The following DOK6 variants were observed in gnomAD, a reference collection of about 807,000 sequenced individuals.
DOK6 encodes the protein downstream of tyrosine kinase 6.
A neutral mutation model predicts 44.0 loss-of-function variants in DOK6; 22 were observed. The ratio of observed to expected loss-of-function variants is 0.50; its 90% confidence interval spans 0.36 to 0.71. The LOEUF (loss-of-function observed/expected upper bound fraction) is 0.71. Among genes scored for constraint, DOK6 ranks in the 30% least tolerant of loss-of-function variants. The probability of loss-of-function intolerance (pLI) is 0.00; values close to 1 mark genes in which losing one functional copy is unlikely to be tolerated. For synonymous variants in DOK6, 166 were observed against 145.5 expected, an observed-to-expected ratio of 1.14 and a Z score of -1.01; for missense variants, 340 against 416.4, an observed-to-expected ratio of 0.82 and a Z score of 1.60.
chr18:69,662,551 G>T (rs1189698262), intron 3 of DOK6: 4 of 152,004 alleles, frequency 2.6e-5, no homozygotes, highest in Non-Finnish European at 5.9e-5. Flanking sequence ...TTGGACTTTT[G>T]TCTAAAGACC....
chr18:69,830,292 A>G (rs1338314753), intron 7 of DOK6, among the ~76,000 whole-genome samples: 1 of 152,178 alleles, frequency 6.6e-6, no homozygotes. Flanking sequence ...TTATCCCCCC[A>G]AAAATACATA....
In DOK6 at chr18:69,659,900, T is replaced by C. The variant is rs571971280; in HGVS notation, c.290-17834T>C. 127 of 134,586 alleles carry C rather than the reference T, an allele frequency of 9.4e-4. 18 individuals are homozygous for C. The highest frequency in any genetic ancestry group is 1.5e-3 in the Non-Finnish European group (94 of 62,100). The allele number at this position is 134,586 out of a possible 1,614,324, so 8.3% of individuals were successfully genotyped here. On this transcript the variant is annotated intron_variant, in intron 3 of 7. Coordinates refer to ENST00000382713, the MANE Select transcript of DOK6 (RefSeq NM_152721.6). ...ATGTATGTTTTATATATATAACATA[T>C]ATGTATGTTTTATATATATAACATA...
chr18:69,412,772 G>C (rs1978311817), intron 1 of DOK6, among the ~76,000 whole-genome samples: 1 of 152,132 alleles, frequency 6.6e-6, no homozygotes, highest in Non-Finnish European at 1.5e-5. Context: ...AATGGTGAAG[G>C]TAGCAAATAA....
chr18:69,684,550 C>T (rs1471714725), intron 4 of DOK6, among the ~76,000 whole-genome samples: 1 of 152,148 alleles, frequency 6.6e-6, no homozygotes, highest in Non-Finnish European at 1.5e-5. Flanking sequence ...AGAATTACTG[C>T]TCCCAGGTAT....
intron 1 of DOK6, among the ~76,000 whole-genome samples, chr18:69,559,224 T>C (rs1375973640): frequency 6.6e-6 from 1 of 152,146 alleles, no homozygotes; most frequent in Non-Finnish European, 1.5e-5. Flanking sequence ...CACTCTTTAA[T>C]AGAAAATAAC....
At chr18:69,784,928 G>T (rs913120874) in intron 7 of DOK6, among the ~76,000 whole-genome samples, 1 of 152,080 alleles carries the variant, frequency 6.6e-6, no homozygotes, top group African/African-American at 2.4e-5. Flanking sequence ...ACCCATGCTG[G>T]TGCTGAAAAT....
At chr18:69,814,509 T>C (rs1268359835) in intron 7 of DOK6, among the ~76,000 whole-genome samples, 1 of 152,102 alleles carries the variant, frequency 6.6e-6, no homozygotes, top group Admixed American at 6.6e-5. Flanking sequence ...GTCGGGTTCA[T>C]GCTTATATTA....
chr18:69,757,802 C>T lies in DOK6; in HGVS notation c.785C>T (p.Ser262Phe). The change falls in exon 7 of 8, where the codon TCT becomes TTT. Residue 262 changes from serine (S) to phenylalanine (F), a missense_variant. Around this residue, in one of 3 missense-constraint regions of DOK6, gnomAD observed 112 missense variants for 109.3 expected, o/e 1.02. Coordinates refer to ENST00000382713, the MANE Select transcript of DOK6 (RefSeq NM_152721.6). ...TEPMTLSKSISLPRSAYWHHI... is the reference protein window; with the variant it reads ...TEPMTLSKSIFLPRSAYWHHI... ...CCAATGACATTATCCAAATCAATAT[C>T]TCTTCCTCGCAGCGCGTACTGGCAT... 5 of 1,614,168 alleles carry T rather than the reference C, an allele frequency of 3.1e-6. No individual in the cohort carries two copies. The highest frequency in any genetic ancestry group is 4.2e-6 in the Non-Finnish European group (5 of 1,179,998).
chr18:69,693,194 T>C (rs1366698202), intron 4 of DOK6, among the ~76,000 whole-genome samples: 1 of 152,030 alleles, frequency 6.6e-6, no homozygotes, highest in Non-Finnish European at 1.5e-5. Flanking sequence ...GGTTTCTGAA[T>C]ATTTAGGTAT....
chr18:69,789,378 T>A (rs1980527310), intron 7 of DOK6, among the ~76,000 whole-genome samples: 1 of 152,194 alleles, frequency 6.6e-6, no homozygotes, highest in Non-Finnish European at 1.5e-5. Context: ...GCTTGCATTA[T>A]GTTGGTAAAT....
chr18:69,544,093 C>A (rs138447782), intron 1 of DOK6, among the ~76,000 whole-genome samples: 6,915 of 124,914 alleles, frequency 0.055, 545 homozygotes, highest in African/African-American at 0.16. Flanking sequence ...CCTGTCTCTA[C>A]TAAAAAAAAA....
intron 6 of DOK6, 138 bp downstream of exon 6, chr18:69,739,241 C>A: frequency 9.3e-7 from 1 of 1,079,006 alleles, no homozygotes; most frequent in Non-Finnish European, 1.3e-6. Context: ...TTACCCTACC[C>A]TCTCATCTCT....
intron 3 of DOK6, among the ~76,000 whole-genome samples, chr18:69,673,298 A>T (rs1985849631): frequency 6.6e-6 from 1 of 152,122 alleles, no homozygotes; most frequent in African/African-American, 2.4e-5. Context: ...GGATCATTTA[A>T]CTTTAATGTC....
At chr18:69,479,047 G>A (rs1450179183) in intron 1 of DOK6, among the ~76,000 whole-genome samples, 1 of 152,036 alleles carries the variant, frequency 6.6e-6, no homozygotes, top group Non-Finnish European at 1.5e-5. Flanking sequence ...ACTGTTTCTT[G>A]AGTGCTCAGC....
chr18:69,525,372 T>C (rs1299904327), intron 1 of DOK6, among the ~76,000 whole-genome samples: 1 of 152,034 alleles, frequency 6.6e-6, no homozygotes, highest in Non-Finnish European at 1.5e-5. Flanking sequence ...TTGAAATGTG[T>C]CATGAATAAT....
At chr18:69,708,511 G>A (rs975571278) in intron 5 of DOK6, among the ~76,000 whole-genome samples, 12 of 152,294 alleles carry the variant, frequency 7.9e-5, no homozygotes, top group African/African-American at 2.4e-4. Flanking sequence ...TTGAGGCCGG[G>A]TGTGGTGGCT....
At chr18:69,702,482 G>A (rs1005840366) in intron 5 of DOK6, among the ~76,000 whole-genome samples, 1 of 152,174 alleles carries the variant, frequency 6.6e-6, no homozygotes, top group Non-Finnish European at 1.5e-5. Context: ...TCCTGAGCCT[G>A]TACACACAGG....
chr18:69,717,023 T>G (rs1986899810), intron 5 of DOK6, among the ~76,000 whole-genome samples: 1 of 152,220 alleles, frequency 6.6e-6, no homozygotes, highest in Non-Finnish European at 1.5e-5. Flanking sequence ...TATTCTTTTT[T>G]ATTGTCATAT....
intron 5 of DOK6, among the ~76,000 whole-genome samples, chr18:69,713,954 A>G (rs954620512): frequency 1.3e-5 from 2 of 152,164 alleles, no homozygotes; most frequent in African/African-American, 4.8e-5. Context: ...AGATTCAAGG[A>G]TGTGTCCCAC....
Sources: gnomAD v4.1 joint callset for allele counts (sites outside exome capture counted in the v4.1 genomes callset) on GRCh38, gnomAD v4.1.1 for gene constraint, gnomAD v4.1.1 regional missense constraint, MANE v1.5 for transcripts, NCBI Gene and HGNC (gene_info 2026-07-23, HGNC 2026-07-21) for gene names.